ACSS3: variants seen among roughly 807,000 people sequenced by gnomAD.
ACSS3 encodes the protein acyl-CoA synthetase short chain family member 3, also known as acyl-CoA synthetase short-chain family member 3, mitochondrial.
Under a neutral mutation model 84.2 loss-of-function variants are expected in ACSS3, and 64 were observed. That is an observed-to-expected ratio of 0.76 (90% CI 0.62 to 0.94). The LOEUF is 0.94. Among genes scored for constraint, ACSS3 ranks in the 40% least tolerant of loss-of-function variants. The pLI, the probability that ACSS3 is intolerant of heterozygous loss-of-function variation, is 0.00. For synonymous variants in ACSS3, 317 were observed against 310.1 expected, an observed-to-expected ratio of 1.02 and a Z score of -0.23; for missense variants, 815 against 867.6, an observed-to-expected ratio of 0.94 and a Z score of 0.76.
intron 11 of ACSS3, among the ~76,000 whole-genome samples, chr12:81,230,362 A>C (rs1439247998): frequency 6.6e-6 from 1 of 151,884 alleles, no homozygotes; most frequent in African/African-American, 2.4e-5. Context: ...AGATAGATAG[A>C]GGTTAAGCCC....
intron 8 of ACSS3, among the ~76,000 whole-genome samples, chr12:81,194,431 G>C (rs757083898): frequency 2.6e-5 from 4 of 151,836 alleles, no homozygotes; most frequent in Non-Finnish European, 5.9e-5. Flanking sequence ...TAAATGGATA[G>C]TTTCTAGCAT....
chr12:81,190,496 T>A (rs188782468), intron 8 of ACSS3, among the ~76,000 whole-genome samples: 1 of 152,192 alleles, frequency 6.6e-6, no homozygotes, highest in East Asian at 1.9e-4. Context: ...ACTTACTAAT[T>A]GTAGTAGTTT....
At chr12:81,209,885 C>T (rs2135924099) in intron 9 of ACSS3, among the ~76,000 whole-genome samples, 1 of 152,236 alleles carries the variant, frequency 6.6e-6, no homozygotes, top group Non-Finnish European at 1.5e-5. Context: ...ACTCATGGCA[C>T]TGGTGAGAGT....
At chr12:81,107,886 A>G (rs1040365018) in intron 1 of ACSS3, among the ~76,000 whole-genome samples, 1 of 151,730 alleles carries the variant, frequency 6.6e-6, no homozygotes, top group Non-Finnish European at 1.5e-5. Context: ...GGGAGCAGTT[A>G]TATCTGGGAG....
At chr12:81,134,710 A>T in intron 2 of ACSS3, 106 bp from the exon 3 acceptor site, 1 of 989,100 alleles carries the variant, frequency 1.0e-6, no homozygotes, top group Non-Finnish European at 1.4e-6. Context: ...AGGCTCCTTT[A>T]ATCTACTACC....
At chr12:81,101,710 G>A (rs186452873) in intron 1 of ACSS3, among the ~76,000 whole-genome samples, 2 of 152,060 alleles carry the variant, frequency 1.3e-5, no homozygotes, top group Admixed American at 1.3e-4. Flanking sequence ...AACATTATAC[G>A]AGAATGCTGT....
intron 1 of ACSS3, among the ~76,000 whole-genome samples, chr12:81,090,099 T>G (rs1255117352): frequency 6.6e-6 from 1 of 152,040 alleles, no homozygotes; most frequent in African/African-American, 2.4e-5. Context: ...TTTGCTTTAT[T>G]TGTTCTCTGT....
At chr12:81,135,031 G>A in intron 3 of ACSS3, 27 bp downstream of exon 3, 3 of 1,537,278 alleles carry the variant, frequency 2.0e-6, no homozygotes, top group Non-Finnish European at 2.7e-6. Flanking sequence ...GGGAAATCAA[G>A]TAGTAGCTAT....
intron 1 of ACSS3, chr12:81,104,810 C>T (rs957754218): frequency 2.0e-5 from 3 of 152,150 alleles, no homozygotes; most frequent in Admixed American, 6.5e-5. Flanking sequence ...CCCACCAGCA[C>T]AGTGTCAGAG....
At chr12:81,172,749 A>G (rs2030172100) in intron 7 of ACSS3, among the ~76,000 whole-genome samples, 2 of 152,210 alleles carry the variant, frequency 1.3e-5, no homozygotes, top group South Asian at 4.1e-4. Flanking sequence ...CATTAAACAT[A>G]AGAAATTGGA....
At chr12:81,103,274 A>T (rs897832876) in intron 1 of ACSS3, among the ~76,000 whole-genome samples, 6 of 152,212 alleles carry the variant, frequency 3.9e-5, no homozygotes, top group Non-Finnish European at 8.8e-5. Flanking sequence ...AAGAATAGGA[A>T]ATACTCTAAA....
At chr12:81,235,785 A>G (rs942845727) in intron 13 of ACSS3, among the ~76,000 whole-genome samples, 1 of 151,488 alleles carries the variant, frequency 6.6e-6, no homozygotes, top group African/African-American at 2.4e-5. Flanking sequence ...TTGCTAGTGG[A>G]TAGAAATACT....
At chr12:81,170,421 T>C (rs2029945588) in intron 7 of ACSS3, among the ~76,000 whole-genome samples, 2 of 152,168 alleles carry the variant, frequency 1.3e-5, no homozygotes. Flanking sequence ...TTGCTAATAT[T>C]AGCAATTGAT....
chr12:81,195,462 T>C (rs1458564081), intron 8 of ACSS3, among the ~76,000 whole-genome samples: 1 of 152,106 alleles, frequency 6.6e-6, no homozygotes, highest in Non-Finnish European at 1.5e-5. Flanking sequence ...TTCATTCTGC[T>C]ATAACAGTTC....
chr12:81,141,921 A>C (rs1307160137), intron 4 of ACSS3, among the ~76,000 whole-genome samples: 1 of 152,226 alleles, frequency 6.6e-6, no homozygotes, highest in African/African-American at 2.4e-5. Context: ...AGGGTCTTCG[A>C]TTCAGCTATA....
chr12:81,181,964 GAC>G (rs1159195056), intron 8 of ACSS3, among the ~76,000 whole-genome samples: 2 of 152,094 alleles, frequency 1.3e-5, no homozygotes, highest in African/African-American at 2.4e-5. Flanking sequence ...GAAGGGAAGA[GAC>G]AGAGAAAGGG....
chr12:81,115,658 A>G (rs1013900066), intron 2 of ACSS3, among the ~76,000 whole-genome samples: 2 of 152,056 alleles, frequency 1.3e-5, no homozygotes, highest in South Asian at 2.1e-4. Flanking sequence ...TAATTTTTCT[A>G]TTGGATTGTT....
chr12:81,108,096 G>T (rs1404773728), intron 1 of ACSS3, among the ~76,000 whole-genome samples: 1 of 151,882 alleles, frequency 6.6e-6, no homozygotes. Context: ...TAATATTTTT[G>T]AACAAACATG....
chr12:81,226,399 T>A (rs1275238211), intron 11 of ACSS3, among the ~76,000 whole-genome samples: 1 of 151,752 alleles, frequency 6.6e-6, no homozygotes, highest in Non-Finnish European at 1.5e-5. Context: ...TTTTATACTC[T>A]CTCCACGAAT....
Sources: gnomAD v4.1 joint callset for allele counts (sites outside exome capture counted in the v4.1 genomes callset) on GRCh38, gnomAD v4.1.1 for gene constraint, MANE v1.5 for transcripts, NCBI Gene and HGNC (gene_info 2026-07-23, HGNC 2026-07-21) for gene names.